The following CDK14 variants were observed in gnomAD, a reference collection of about 807,000 sequenced individuals.
CDK14 encodes the protein cyclin dependent kinase 14.
CDK14 carries 34 observed loss-of-function variants against 60.7 expected under a neutral mutation model. The observed-to-expected ratio is 0.56, with a 90% CI of 0.43 to 0.75. CDK14 has a LOEUF of 0.75. Ranked by LOEUF, CDK14 falls within the 30% of genes least tolerant of loss-of-function variation. The probability of loss-of-function intolerance (pLI) is 0.00; values close to 1 mark genes in which losing one functional copy is unlikely to be tolerated. For synonymous variants in CDK14, 197 were observed against 203.7 expected (o/e 0.97, Z 0.28); for missense variants, 482 against 564.1 (o/e 0.85, Z 1.47).
chr7:90,786,695 T>C (rs1387907490), intron 4 of CDK14, among the ~76,000 whole-genome samples: 2 of 152,048 alleles, frequency 1.3e-5, no homozygotes. Flanking sequence ...GGCAAGAGGA[T>C]CACTTGAGCC....
At chr7:90,950,176 A>C (rs1189100163) in intron 8 of CDK14, among the ~76,000 whole-genome samples, 1 of 152,168 alleles carries the variant, frequency 6.6e-6, no homozygotes, top group African/African-American at 2.4e-5. Context: ...TCCTGGGTTC[A>C]AGTGATTCTC....
At chr7:90,800,387 A>G (rs1562775609) in intron 5 of CDK14, among the ~76,000 whole-genome samples, 1 of 152,192 alleles carries the variant, frequency 6.6e-6, no homozygotes, top group Non-Finnish European at 1.5e-5. Context: ...TAATTAAAAT[A>G]TTCTAATAGT....
intron 14 of CDK14, among the ~76,000 whole-genome samples, chr7:91,194,566 C>T (rs977868470): frequency 6.6e-6 from 1 of 151,824 alleles, no homozygotes; most frequent in African/African-American, 2.4e-5. Context: ...CCAAATGACA[C>T]CAGTGTTGCA....
At chr7:90,853,539 C>G (rs1302310755) in intron 5 of CDK14, among the ~76,000 whole-genome samples, 1 of 152,090 alleles carries the variant, frequency 6.6e-6, no homozygotes, top group Non-Finnish European at 1.5e-5. Flanking sequence ...CACACACACA[C>G]TCACACACAC....
intron 7 of CDK14, 23 bp from the exon 8 acceptor site, chr7:90,917,578 A>G: frequency 1.2e-6 from 2 of 1,609,088 alleles, no homozygotes; most frequent in Non-Finnish European, 1.7e-6. Context: ...TCTGATTTTA[A>G]CCTTTGTCTC....
intron 2 of CDK14, among the ~76,000 whole-genome samples, chr7:90,670,250 G>T (rs958247534): frequency 6.6e-6 from 1 of 152,152 alleles, no homozygotes; most frequent in Non-Finnish European, 1.5e-5. Flanking sequence ...ATGGTATTTT[G>T]CTTTAAGTTG....
chr7:90,603,916 T>C (rs1302765288), intron 1 of CDK14, among the ~76,000 whole-genome samples: 1 of 152,240 alleles, frequency 6.6e-6, no homozygotes, highest in African/African-American at 2.4e-5. Flanking sequence ...TTTTATACTT[T>C]CATTGAAACA....
At chr7:90,712,942 A>AT (rs1347663108) in intron 2 of CDK14, among the ~76,000 whole-genome samples, 3 of 152,068 alleles carry the variant, frequency 2.0e-5, no homozygotes, top group Non-Finnish European at 4.4e-5. Flanking sequence ...TTGGTTCATT[A>AT]TCATTCATTA....
At chr7:90,915,685 G>A (rs144768642) in intron 7 of CDK14, among the ~76,000 whole-genome samples, 1 of 152,306 alleles carries the variant, frequency 6.6e-6, no homozygotes, top group East Asian at 1.9e-4. Flanking sequence ...TGGTGAGATG[G>A]TTAAGAGCAT....
intron 11 of CDK14, among the ~76,000 whole-genome samples, chr7:91,074,563 G>A (rs566313312): frequency 2.4e-4 from 36 of 152,096 alleles, no homozygotes; most frequent in African/African-American, 8.2e-4. Flanking sequence ...AGCTCAAATC[G>A]ACACCCAAGT....
chr7:90,860,532 T>C (rs1057334951), intron 5 of CDK14, among the ~76,000 whole-genome samples: 20 of 149,536 alleles, frequency 1.3e-4, no homozygotes, highest in African/African-American at 4.7e-4. Context: ...TTCCTTTTTT[T>C]TTTTTTTTTT....
At chr7:91,062,735 AG>A (rs1406826412) in intron 11 of CDK14, among the ~76,000 whole-genome samples, 1 of 151,990 alleles carries the variant, frequency 6.6e-6, no homozygotes, top group Admixed American at 6.5e-5. Flanking sequence ...AAGCTCAGTG[AG>A]GAAAATACTG....
At chr7:90,890,313 T>C (rs1187211514) in intron 6 of CDK14, among the ~76,000 whole-genome samples, 2 of 152,140 alleles carry the variant, frequency 1.3e-5, no homozygotes, top group East Asian at 3.9e-4. Context: ...TTTGAAGTTA[T>C]GGTGAGCTAT....
chr7:90,604,169 C>T, intron 1 of CDK14, 49 bp from the exon 2 acceptor site: 3 of 1,282,294 alleles, frequency 2.3e-6, no homozygotes, highest in Non-Finnish European at 3.3e-6. Context: ...AACTTAGTCT[C>T]TTTGGAATTT....
intron 6 of CDK14, among the ~76,000 whole-genome samples, chr7:90,896,561 A>G (rs1792343976): frequency 6.6e-6 from 1 of 152,200 alleles, no homozygotes. Flanking sequence ...GAAAATTTCA[A>G]TAAATGGTTT....
At chr7:91,164,589 G>A (rs1801284699) in intron 14 of CDK14, among the ~76,000 whole-genome samples, 1 of 150,440 alleles carries the variant, frequency 6.6e-6, no homozygotes, top group Admixed American at 6.6e-5. Flanking sequence ...CTAGACAAAT[G>A]CAGGAAGATT....
chr7:90,924,708 T>G (rs1793359968), intron 8 of CDK14, among the ~76,000 whole-genome samples: 1 of 152,242 alleles, frequency 6.6e-6, no homozygotes, highest in Non-Finnish European at 1.5e-5. Flanking sequence ...TAGACATTTT[T>G]TTTTTAATTT....
At chr7:91,077,388 A>C (rs1258378040) in intron 11 of CDK14, among the ~76,000 whole-genome samples, 1 of 151,988 alleles carries the variant, frequency 6.6e-6, no homozygotes, top group Non-Finnish European at 1.5e-5. Context: ...CATCAAACTA[A>C]CACATAAACA....
At chr7:90,616,878 A>G (rs962290997) in intron 2 of CDK14, among the ~76,000 whole-genome samples, 7 of 152,028 alleles carry the variant, frequency 4.6e-5, no homozygotes, top group Non-Finnish European at 8.8e-5. Flanking sequence ...ATCATCATAT[A>G]TATATATGTG....
Sources: gnomAD v4.1 joint callset for allele counts (sites outside exome capture counted in the v4.1 genomes callset) on GRCh38, gnomAD v4.1.1 for gene constraint, MANE v1.5 for transcripts, NCBI Gene and HGNC (gene_info 2026-07-23, HGNC 2026-07-21) for gene names.